The following RMND1 variants were observed in gnomAD, a reference collection of about 807,000 sequenced individuals.
The protein encoded by RMND1 is required for meiotic nuclear division 1 homolog, also known as required for meiotic nuclear division protein 1 homolog.
In RMND1, 41 loss-of-function variants were observed where a neutral mutation model predicts 54.0. That is an observed-to-expected ratio of 0.76 (90% confidence interval 0.59 to 0.98). The LOEUF (loss-of-function observed/expected upper bound fraction) is 0.98. Ranked by LOEUF, RMND1 falls within the 50% of genes least tolerant of loss-of-function variation. The pLI is 0.00. For missense variants in RMND1, 457 were observed against 532.0 expected (o/e 0.86, Z 1.39); for synonymous variants, 183 against 181.7 (o/e 1.01, Z -0.06).
At chr6:151,428,358 T>G (rs1780362393) in intron 5 of RMND1, among the ~76,000 whole-genome samples, 1 of 152,218 alleles carries the variant, frequency 6.6e-6, no homozygotes, top group Non-Finnish European at 1.5e-5. Context: ...CAACACTATT[T>G]TCCTTTACAG....
chr6:151,421,098 A>G, intron 9 of RMND1, 147 bp downstream of exon 9: 1 of 622,080 alleles, frequency 1.6e-6, no homozygotes, highest in Non-Finnish European at 2.8e-6. Context: ...AATGGGTAAG[A>G]GTTCTCCCTG....
intron 2 of RMND1, among the ~76,000 whole-genome samples, chr6:151,443,313 T>C (rs1030319948): frequency 6.6e-6 from 1 of 152,070 alleles, no homozygotes; most frequent in Non-Finnish European, 1.5e-5. Context: ...AGAAACATGA[T>C]TTTCTTCTCT....
intron 10 of RMND1, among the ~76,000 whole-genome samples, chr6:151,413,028 A>G (rs1228492254): frequency 6.6e-6 from 1 of 152,170 alleles, no homozygotes; most frequent in Non-Finnish European, 1.5e-5. Flanking sequence ...GCACACTGCC[A>G]TGTTGTGAGA....
intron 2 of RMND1, among the ~76,000 whole-genome samples, chr6:151,444,142 T>G (rs1780877452): frequency 6.6e-6 from 1 of 152,228 alleles, no homozygotes; most frequent in Non-Finnish European, 1.5e-5. Flanking sequence ...ACCTATCAGC[T>G]TCTTCCTAAG....
Position 151,418,871 on chromosome 6 carries a change from A to G in RMND1, c.1080-1472T>C, listed in dbSNP as rs536281009. On this transcript the variant is annotated intron_variant, in intron 9 of 11. Coordinates refer to ENST00000444024, the MANE Select transcript of RMND1 (RefSeq NM_017909.4). ...CCACAACCTCCACCTCTTGGGTTCA[A>G]GCAATTCTCCTGCCTCAGCCTCCCG... 4.8e-3 allele frequency among the ~76,000 whole-genome samples: 736 copies of G among 152,012 alleles called. 5 individuals are homozygous for G. The highest frequency in any genetic ancestry group is 0.017 in the African/African-American group (705 of 41,422).
chr6:151,420,660 G>A (rs1780127947), intron 9 of RMND1: 1 of 152,188 alleles, frequency 6.6e-6, no homozygotes, highest in African/African-American at 2.4e-5. Context: ...TGGCACTTGA[G>A]ACTTACTTGT....
At chr6:151,450,999 GGCA>G (rs1302946324) in intron 1 of RMND1, among the ~76,000 whole-genome samples, 5 of 152,040 alleles carry the variant, frequency 3.3e-5, no homozygotes, top group Non-Finnish European at 7.4e-5. Context: ...GATGCTTGAA[GGCA>G]GCGTGCTGGT....
At chr6:151,435,876 G>A (rs1198805084) in intron 3 of RMND1, among the ~76,000 whole-genome samples, 26 of 151,070 alleles carry the variant, frequency 1.7e-4, no homozygotes, top group Admixed American at 6.6e-4. Flanking sequence ...AGGCCGAGGC[G>A]GGAGGATTAG....
At chr6:151,425,358 G>A (rs1332557913) in intron 6 of RMND1, among the ~76,000 whole-genome samples, 2 of 151,892 alleles carry the variant, frequency 1.3e-5, no homozygotes, top group African/African-American at 4.8e-5. Context: ...TCTTTCTGAC[G>A]AAACAAAATA....
At chr6:151,411,749 A>C (rs1349211200) in intron 10 of RMND1, 1 of 152,206 alleles carries the variant, frequency 6.6e-6, no homozygotes, top group African/African-American at 2.4e-5. Context: ...GACCAGCGGC[A>C]TTTGGCTTGC....
rs140163972 is a variant in RMND1, at chr6:151,442,055, G to A, written c.504+3253C>T. On this transcript the variant is annotated intron_variant, in intron 2 of 11. Transcript: ENST00000444024. The stretch of plus-strand genomic sequence containing the variant: ...TGTCTGGAGAATTGGAGAACTGGCT[G>A]GTAGGAGGAGGAAGAGGTCCCCATA... 1.3e-3 allele frequency among the ~76,000 whole-genome samples: 198 copies of A among 152,250 alleles called. 3 individuals are homozygous for A. In the East Asian group the frequency reaches 0.026, roughly 20 times the overall value.
Position 151,427,578 on chromosome 6 carries a change from T to A in RMND1, c.734A>T (p.Lys245Met). 1 of 1,597,028 alleles carries A rather than the reference T, an allele frequency of 6.3e-7. No individual in the cohort carries two copies. Reference protein sequence around the residue: ...VFWNVKDKTMKHVMKVLEKHE... With the variant: ...VFWNVKDKTMMHVMKVLEKHE... Reference sequence around the variant, plus strand: ...TTTTTCTAGAACTTTCATCACATGCTTCATCTAGAAGAAAAGGAAGATTAA... The same window carrying A: ...TTTTTCTAGAACTTTCATCACATGCATCATCTAGAAGAAAAGGAAGATTAA... Residue 245 changes from lysine (K) to methionine (M), a missense_variant, in exon 6 of 12, where the codon AAG (lysine) becomes ATG (methionine). Transcript: ENST00000444024.
intron 1 of RMND1, chr6:151,446,129 A>C (rs1345417661): frequency 4.0e-6 from 1 of 252,906 alleles, no homozygotes; most frequent in East Asian, 9.2e-5. Context: ...CAAGTATATA[A>C]AAATCTGTGC....
At chr6:151,411,621 G>T (rs561284123) in intron 10 of RMND1, 2 of 152,300 alleles carry the variant, frequency 1.3e-5, no homozygotes, top group South Asian at 2.1e-4. Context: ...GGTATCCTCA[G>T]TTGCAGACTT....
At chr6:151,439,048 A>C (rs1425800603) in intron 2 of RMND1, among the ~76,000 whole-genome samples, 1 of 152,194 alleles carries the variant, frequency 6.6e-6, no homozygotes, top group African/African-American at 2.4e-5. Flanking sequence ...CAGGAGGCCG[A>C]GGTTGCAGTG....
intron 1 of RMND1, 130 bp downstream of exon 1, chr6:151,451,886 G>T (rs570764454): frequency 6.6e-6 from 1 of 152,374 alleles, no homozygotes; most frequent in South Asian, 2.1e-4. Flanking sequence ...CAAAGATCAC[G>T]GTAAGAGGCA....
chr6:151,412,516 A>C (rs1439037963), intron 10 of RMND1, among the ~76,000 whole-genome samples: 1 of 152,158 alleles, frequency 6.6e-6, no homozygotes, highest in East Asian at 1.9e-4. Context: ...AGGTTGCAAA[A>C]GACTGTGACT....
intron 6 of RMND1, among the ~76,000 whole-genome samples, chr6:151,426,604 G>A (rs1012051942): frequency 6.6e-6 from 1 of 151,998 alleles, no homozygotes; most frequent in Non-Finnish European, 1.5e-5. Context: ...TTTGATAAAT[G>A]CATACTATTT....
intron 5 of RMND1, among the ~76,000 whole-genome samples, chr6:151,429,255 G>T (rs1780388869): frequency 6.6e-6 from 1 of 151,884 alleles, no homozygotes; most frequent in Non-Finnish European, 1.5e-5. Context: ...CCGAGTAGCT[G>T]GGATTACAGG....
Sources: gnomAD v4.1 joint callset for allele counts (sites outside exome capture counted in the v4.1 genomes callset) on GRCh38, gnomAD v4.1.1 for gene constraint, MANE v1.5 for transcripts, NCBI Gene and HGNC (gene_info 2026-07-23, HGNC 2026-07-21) for gene names.